TTLL5: variants seen among roughly 807,000 people sequenced by gnomAD.
The protein encoded by TTLL5 is tubulin tyrosine ligase like 5.
In TTLL5, 132 loss-of-function variants were observed where a neutral mutation model predicts 168.4. That is an observed-to-expected ratio of 0.78 (90% CI 0.68 to 0.91). TTLL5 has a LOEUF of 0.91. Among genes scored for constraint, TTLL5 ranks in the 40% least tolerant of loss-of-function variants. The pLI, the probability that TTLL5 is intolerant of heterozygous loss-of-function variation, is 0.00. For synonymous variants in TTLL5, 546 were observed against 558.6 expected (o/e 0.98, Z 0.32); for missense variants, 1,545 against 1,581.5 (o/e 0.98, Z 0.39).
intron 14 of TTLL5, among the ~76,000 whole-genome samples, chr14:75,734,693 A>G (rs1257496179): frequency 6.6e-6 from 1 of 152,222 alleles, no homozygotes; most frequent in Non-Finnish European, 1.5e-5. Context: ...CTGAAGTCCA[A>G]TTTCCAAAGC....
intron 2 of TTLL5, among the ~76,000 whole-genome samples, chr14:75,664,776 C>A (rs1264440200): frequency 2.6e-5 from 4 of 152,210 alleles, no homozygotes; most frequent in Non-Finnish European, 5.9e-5. Flanking sequence ...TGTGCTGCCT[C>A]TTACCCATTT....
intron 21 of TTLL5, among the ~76,000 whole-genome samples, chr14:75,774,405 G>T (rs1039448102): frequency 3.3e-5 from 5 of 152,150 alleles, no homozygotes; most frequent in Non-Finnish European, 7.4e-5. Context: ...AAGAAAAAAA[G>T]CTATTACCTT....
rs1201862659 is a variant in TTLL5, at chr14:75,914,017, G to GAAAAAAAAAAAAA, written c.3823+11798_3823+11810dup. 7.7e-4 allele frequency among the ~76,000 whole-genome samples: 24 copies of GAAAAAAAAAAAAA among 31,026 alleles called. 2 individuals are homozygous for GAAAAAAAAAAAAA. The highest frequency in any genetic ancestry group is 1.6e-3 in the African/African-American group (7 of 4,252). 20.4% of individuals were successfully genotyped at this position (31,026 alleles called of 152,430 possible). ...GCGACAGAGGAAGACTGTTTAAAAGGAAAAAAAAAAAAAAAAATATATATA... is the reference window on the plus strand; with the variant it reads ...GCGACAGAGGAAGACTGTTTAAAAGGAAAAAAAAAAAAAAAAAAAAAAAAAAAAAATATATATA... On this transcript the variant is annotated intron_variant, in intron 31 of 31. Coordinates refer to ENST00000298832, the MANE Select transcript of TTLL5 (RefSeq NM_015072.5).
At chr14:75,723,001 C>T (rs1332457408) in intron 12 of TTLL5, among the ~76,000 whole-genome samples, 1 of 152,158 alleles carries the variant, frequency 6.6e-6, no homozygotes, top group Non-Finnish European at 1.5e-5. Context: ...GTTTGTAACT[C>T]TACAATAGTA....
chr14:75,682,401 G>T (rs771775549), intron 4 of TTLL5, among the ~76,000 whole-genome samples: 1 of 152,106 alleles, frequency 6.6e-6, no homozygotes, highest in African/African-American at 2.4e-5. Flanking sequence ...GGCTGGCACC[G>T]AGGAGGAACA....
At chr14:75,940,124 G>GGCTGGAGT (rs1249952723) in intron 31 of TTLL5, among the ~76,000 whole-genome samples, 1 of 134,258 alleles carries the variant, frequency 7.4e-6, no homozygotes, top group African/African-American at 2.9e-5. Flanking sequence ...CTCTTGCCCA[G>GGCTGGAGT]GCTGGAGTGC....
intron 29 of TTLL5, among the ~76,000 whole-genome samples, chr14:75,867,051 G>A (rs913116378): frequency 6.6e-6 from 1 of 152,184 alleles, no homozygotes; most frequent in Admixed American, 6.5e-5. Flanking sequence ...CAGAGCAGAG[G>A]TCAGCAAACT....
chr14:75,798,800 A>G (rs1893130098), intron 27 of TTLL5, among the ~76,000 whole-genome samples: 1 of 152,020 alleles, frequency 6.6e-6, no homozygotes. Context: ...GTTGATTTCC[A>G]GTTTTATTAC....
intron 31 of TTLL5, among the ~76,000 whole-genome samples, chr14:75,903,616 AGCTCAGGCCAGGTACAGTG>A (rs2033018222): frequency 6.6e-6 from 1 of 152,098 alleles, no homozygotes; most frequent in African/African-American, 2.4e-5. Context: ...ATCTCTGAGA[AGCTCAGGCCAGGTACAGTG>A]GCTCATGCCT....
Position 75,826,855 on chromosome 14 carries a change from A to AG in TTLL5, c.3326+6694_3326+6695insG, listed in dbSNP as rs1209501991. Among the ~76,000 whole-genome samples the AG allele has an allele frequency of 2.0e-5, 3 of 152,172 alleles. No individual in the cohort carries two copies. The East Asian group carries it at 5.8e-4, about 29-fold the overall frequency. ...AGAAGAACATTGATGATCCATATTTAAAGCTTACCTAGTATTGACTCAACA... is the reference window on the plus strand; with the variant it reads ...AGAAGAACATTGATGATCCATATTTAGAAGCTTACCTAGTATTGACTCAACA... On this transcript the variant is annotated intron_variant, in intron 28 of 31. Transcript: ENST00000298832.
At chr14:75,891,469 A>G (rs1240616436) in intron 30 of TTLL5, among the ~76,000 whole-genome samples, 1 of 152,194 alleles carries the variant, frequency 6.6e-6, no homozygotes, top group African/African-American at 2.4e-5. Context: ...ATTGCCCTAG[A>G]CAGCAGTGTC....
chr14:75,903,013 G>A (rs979073399), intron 31 of TTLL5, among the ~76,000 whole-genome samples: 1 of 152,158 alleles, frequency 6.6e-6, no homozygotes, highest in Non-Finnish European at 1.5e-5. Context: ...AATAACAACA[G>A]ACTACATTGA....
chr14:75,850,726 G>C (rs1896797965), intron 28 of TTLL5, among the ~76,000 whole-genome samples: 1 of 152,078 alleles, frequency 6.6e-6, no homozygotes, highest in African/African-American at 2.4e-5. Context: ...ATTTAATAGG[G>C]AAAAACATAA....
At chr14:75,666,083 C>T (rs763038334) in intron 2 of TTLL5, among the ~76,000 whole-genome samples, 3 of 152,194 alleles carry the variant, frequency 2.0e-5, no homozygotes, top group Non-Finnish European at 2.9e-5. Context: ...CTTGTTTCAT[C>T]AGCTTATGTC....
intron 26 of TTLL5, among the ~76,000 whole-genome samples, chr14:75,786,767 T>TA (rs1666436294): frequency 6.6e-6 from 1 of 152,010 alleles, no homozygotes. Context: ...GAATTGTGGA[T>TA]AAAAAACATG....
intron 30 of TTLL5, among the ~76,000 whole-genome samples, chr14:75,888,936 A>AAG (rs2032256482): frequency 4.4e-4 from 1 of 2,272 alleles, no homozygotes; most frequent in South Asian, 0.021. Flanking sequence ...ACTGTCTCCG[A>AAG]AAAAAAAAAA....
chr14:75,921,758 G>C (rs2033832511), intron 31 of TTLL5, among the ~76,000 whole-genome samples: 1 of 152,102 alleles, frequency 6.6e-6, no homozygotes, highest in Non-Finnish European at 1.5e-5. Context: ...TTCCAATTCT[G>C]TGAAGAAAGT....
chr14:75,852,273 T>C (rs1014896705), intron 28 of TTLL5, among the ~76,000 whole-genome samples: 4 of 152,238 alleles, frequency 2.6e-5, no homozygotes, highest in Non-Finnish European at 5.9e-5. Flanking sequence ...ATCTCAGTGC[T>C]TGCATTGGGT....
intron 29 of TTLL5, among the ~76,000 whole-genome samples, chr14:75,876,943 C>T (rs948683014): frequency 6.6e-6 from 1 of 152,188 alleles, no homozygotes; most frequent in African/African-American, 2.4e-5. Context: ...AACTTACATG[C>T]TCAAGAAAAT....
Sources: gnomAD v4.1 joint callset for allele counts (sites outside exome capture counted in the v4.1 genomes callset) on GRCh38, gnomAD v4.1.1 for gene constraint, MANE v1.5 for transcripts, NCBI Gene and HGNC (gene_info 2026-07-23, HGNC 2026-07-21) for gene names.